Variants in KIAA0232 observed in about 807,000 individuals in gnomAD.
KIAA0232 encodes the protein KIAA0232, also known as uncharacterized protein KIAA0232.
In KIAA0232, 27 loss-of-function variants were observed where a neutral mutation model predicts 122.0. That is an observed-to-expected ratio of 0.22 (90% CI 0.16 to 0.31). KIAA0232 has a LOEUF of 0.31. KIAA0232 is among the 10% of genes least tolerant of loss of function. The pLI is 1.00. For synonymous variants in KIAA0232, 613 were observed against 587.6 expected (o/e 1.04, Z -0.63); for missense variants, 1,551 against 1,634.2 (o/e 0.95, Z 0.88).
intron 3 of KIAA0232, among the ~76,000 whole-genome samples, chr4:6,825,572 C>T (rs1047043688): frequency 1.1e-4 from 16 of 147,186 alleles, no homozygotes; most frequent in Admixed American, 1.4e-4. Flanking sequence ...CACGCATACA[C>T]GAGAGAGAGA....
intron 3 of KIAA0232, 61 bp from the exon 4 acceptor site, chr4:6,842,006 G>T (rs1560187052): frequency 1.3e-6 from 2 of 1,583,368 alleles, no homozygotes. Flanking sequence ...TGTGTGGTAG[G>T]TGGAACATAG....
At position 6,862,697 on chromosome 4, in the gene KIAA0232, G is replaced by A; in HGVS notation, c.2315G>A (p.Arg772Lys). The change falls in exon 7 of 10, where the codon AGA becomes AAA. Residue 772 changes from arginine to lysine, a missense_variant. This residue lies in a region of KIAA0232 where 1,108 missense variants were observed against 1,154.8 expected (regional missense o/e 0.96). Transcript: ENST00000307659. Reference protein sequence around the residue: ...LQDETCQQNSRTLGEIPTLVF... With the variant: ...LQDETCQQNSKTLGEIPTLVF... ...GATGAAACTTGCCAGCAAAACAGTA[G>A]AACTTTAGGTGAGATTCCTACATTA... 1 of 1,611,178 alleles carries A rather than the reference G, an allele frequency of 6.2e-7. No individual in the cohort carries two copies. Among genetic ancestry groups the A allele is most frequent in the Non-Finnish European group, 8.5e-7 (1 of 1,179,236 alleles).
intron 1 of KIAA0232, among the ~76,000 whole-genome samples, chr4:6,796,808 T>C (rs1717153230): frequency 6.6e-6 from 1 of 152,198 alleles, no homozygotes; most frequent in Non-Finnish European, 1.5e-5. Context: ...TCTTTGAGAA[T>C]GTTCAAGTAG....
intron 3 of KIAA0232, among the ~76,000 whole-genome samples, chr4:6,840,338 T>C (rs1185568134): frequency 6.6e-6 from 1 of 152,212 alleles, no homozygotes; most frequent in Non-Finnish European, 1.5e-5. Context: ...AGCCAATCTT[T>C]GTGGCCAAAG....
intron 2 of KIAA0232, among the ~76,000 whole-genome samples, chr4:6,818,636 C>T (rs1024554999): frequency 1.8e-4 from 28 of 151,760 alleles, no homozygotes; most frequent in African/African-American, 6.8e-4. Flanking sequence ...TTACAATGGC[C>T]ATACAGCCCA....
chr4:6,810,355 G>A (rs998513277), intron 2 of KIAA0232, among the ~76,000 whole-genome samples: 1 of 152,118 alleles, frequency 6.6e-6, no homozygotes, highest in African/African-American at 2.4e-5. Context: ...AAATGGTGCT[G>A]GAAAAATTGG....
chr4:6,879,452 G>A (rs923489355), intron 9 of KIAA0232, among the ~76,000 whole-genome samples: 5 of 151,970 alleles, frequency 3.3e-5, no homozygotes, highest in South Asian at 2.1e-4. Context: ...CAAACTCCCC[G>A]CCACGCCTCT....
chr4:6,853,870 A>G (rs1720426354), intron 4 of KIAA0232, among the ~76,000 whole-genome samples: 1 of 152,208 alleles, frequency 6.6e-6, no homozygotes, highest in Non-Finnish European at 1.5e-5. Flanking sequence ...TAAGACCCTC[A>G]TGAAGTAATA....
chr4:6,827,922 C>G (rs1156924223), intron 3 of KIAA0232, among the ~76,000 whole-genome samples: 5 of 151,664 alleles, frequency 3.3e-5, no homozygotes, highest in African/African-American at 9.7e-5. Flanking sequence ...GAAGTATATT[C>G]TAAGATAATC....
intron 2 of KIAA0232, among the ~76,000 whole-genome samples, chr4:6,809,091 G>A (rs1250259946): frequency 2.6e-5 from 4 of 152,208 alleles, no homozygotes; most frequent in African/African-American, 9.6e-5. Flanking sequence ...GGAAGGCAGG[G>A]CAGGAATGAT....
At chr4:6,878,482 T>C (rs973015079) in intron 9 of KIAA0232, among the ~76,000 whole-genome samples, 12 of 152,200 alleles carry the variant, frequency 7.9e-5, no homozygotes, top group African/African-American at 2.9e-4. Context: ...ATTTTCTTAG[T>C]ACAAGTGTAT....
intron 3 of KIAA0232, among the ~76,000 whole-genome samples, chr4:6,827,906 G>C (rs1718776918): frequency 1.3e-5 from 2 of 151,454 alleles, no homozygotes; most frequent in Admixed American, 1.3e-4. Context: ...TGATTACTCT[G>C]TCTGGGAAGT....
chr4:6,850,867 A>G (rs1720241169), intron 4 of KIAA0232, among the ~76,000 whole-genome samples: 1 of 152,006 alleles, frequency 6.6e-6, no homozygotes, highest in African/African-American at 2.4e-5. Flanking sequence ...ACGGGATTTC[A>G]CCATGTTGGC....
At position 6,868,433 on chromosome 4, in the gene KIAA0232, T is replaced by C. The variant is rs79736473; in HGVS notation, c.3802-3141T>C. On this transcript the variant is annotated intron_variant, in intron 7 of 9. Coordinates refer to ENST00000307659, the MANE Select transcript of KIAA0232 (RefSeq NM_014743.3). ...ATAGTGTGTTACAATATAAATGCTG[T>C]TGGAAAGGAGGATCGCTGGACGAGG... Among the ~76,000 whole-genome samples, 537 of 152,270 alleles carry C rather than the reference T, an allele frequency of 3.5e-3. 7 individuals carry two copies. Among genetic ancestry groups the C allele is most frequent in the African/African-American group, 0.012 (506 of 41,554 alleles).
Position 6,881,022 on chromosome 4 carries a change from C to G in KIAA0232, c.*56C>G, listed in dbSNP as rs1279677699. On this transcript the variant is annotated 3_prime_UTR_variant, in exon 10 of 10. Coordinates refer to ENST00000307659, the MANE Select transcript of KIAA0232 (RefSeq NM_014743.3). ...AAATGATATGTGATGGAAAATTACT[C>G]TTCAGTGAGACCTGTTAATCTAAAA... 1 of 1,245,386 alleles carries G rather than the reference C, an allele frequency of 8.0e-7. No individual in the cohort carries two copies. The highest frequency in any genetic ancestry group is 1.1e-6 in the Non-Finnish European group (1 of 950,318). The allele number at this position is 1,245,386 out of a possible 1,614,324, so 77.1% of individuals were successfully genotyped here. A position where few individuals can be genotyped will look rare whatever the true frequency, so the allele number is the denominator to read the frequency against.
At chr4:6,795,146 C>A (rs1262682786) in intron 1 of KIAA0232, among the ~76,000 whole-genome samples, 1 of 152,194 alleles carries the variant, frequency 6.6e-6, no homozygotes, top group Non-Finnish European at 1.5e-5. Context: ...TCTCGGCTTA[C>A]TGCAAGCTCC....
At chr4:6,880,697 A>G in intron 9 of KIAA0232, 90 bp from the exon 10 acceptor site, 1 of 883,890 alleles carries the variant, frequency 1.1e-6, no homozygotes, top group Non-Finnish European at 1.6e-6. Flanking sequence ...CTGATGATTT[A>G]TTATTTCTTC....
At chr4:6,811,066 A>G (rs1264986593) in intron 2 of KIAA0232, among the ~76,000 whole-genome samples, 1 of 152,236 alleles carries the variant, frequency 6.6e-6, no homozygotes, top group African/African-American at 2.4e-5. Context: ...CTGAAAATAG[A>G]ATGAGCATTC....
intron 8 of KIAA0232, among the ~76,000 whole-genome samples, chr4:6,873,657 G>A (rs1721611265): frequency 6.6e-6 from 1 of 152,198 alleles, no homozygotes; most frequent in African/African-American, 2.4e-5. Flanking sequence ...TTAGCTCTAG[G>A]TTCCTGGTTA....
Sources: gnomAD v4.1 joint callset for allele counts (sites outside exome capture counted in the v4.1 genomes callset) on GRCh38, gnomAD v4.1.1 for gene constraint, gnomAD v4.1.1 regional missense constraint, MANE v1.5 for transcripts, NCBI Gene and HGNC (gene_info 2026-07-23, HGNC 2026-07-21) for gene names.